Variants in RNF152 observed in about 807,000 individuals in gnomAD.
RNF152 encodes ring finger protein 152, also known as E3 ubiquitin-protein ligase RNF152.
RNF152 carries 11 observed loss-of-function variants against 12.7 expected under a neutral mutation model. The observed-to-expected ratio is 0.86, with a 90% CI of 0.54 to 1.43. The LOEUF is 1.43. Among genes scored for constraint, RNF152 ranks in the 40% most tolerant of loss-of-function variants. The pLI is 0.00. For missense variants in RNF152, 255 were observed against 274.8 expected, an observed-to-expected ratio of 0.93 and a Z score of 0.51; for synonymous variants, 113 against 120.3, an observed-to-expected ratio of 0.94 and a Z score of 0.40.
intron 1 of RNF152, among the ~76,000 whole-genome samples, chr18:61,885,688 C>T (rs1912657597): frequency 6.6e-6 from 1 of 152,162 alleles, no homozygotes; most frequent in Admixed American, 6.5e-5. Flanking sequence ...CATAATAACA[C>T]TCTCATAATG....
At chr18:61,870,088 C>T (rs1599314258) in intron 1 of RNF152, among the ~76,000 whole-genome samples, 1 of 152,212 alleles carries the variant, frequency 6.6e-6, no homozygotes, top group East Asian at 1.9e-4. Context: ...TTCCAAACCT[C>T]ACGCTCTCTT....
chr18:61,878,694 T>C (rs1302218778), intron 1 of RNF152, among the ~76,000 whole-genome samples: 1 of 152,166 alleles, frequency 6.6e-6, no homozygotes, highest in Non-Finnish European at 1.5e-5. Context: ...GAGGCCTCTG[T>C]TTCCAAGATG....
chr18:61,882,602 T>A (rs1912510321), intron 1 of RNF152, among the ~76,000 whole-genome samples: 1 of 152,222 alleles, frequency 6.6e-6, no homozygotes, highest in Non-Finnish European at 1.5e-5. Flanking sequence ...ATTTGAGGCA[T>A]CAGCTAAATA....
At position 61,815,946 on chromosome 18, in the gene RNF152, A is replaced by C; in HGVS notation, c.518T>G (p.Ile173Ser). The C allele has an allele frequency of 6.2e-7, 1 of 1,614,190 alleles. No individual in the cohort carries two copies. Among genetic ancestry groups the C allele is most frequent in the Non-Finnish European group, 8.5e-7 (1 of 1,180,024 alleles). ...GAAGACCAAGACGCAAGCCACCAAG[A>C]TGACAGTGCACACCCCCGACCAGGT... ...SSTWSGVCTV[I>S]LVACVLVFLL... The change falls in exon 2 of 2, where the codon ATC becomes AGC. Residue 173 changes from isoleucine to serine, a missense_variant. By Grantham distance (142) the Ile-to-Ser change is moderately radical. Transcript: ENST00000312828.
rs759764341 is a variant in RNF152 at position 61,847,266 on chromosome 18, T to C, written c.-135-30668A>G. ...TCTAACAGGGCAGCAAGCTTTAACA[T>C]ACAAGCAAATTGGGGCTTTGAGAAA... is the stretch of plus-strand genomic sequence containing the variant. On this transcript the variant is annotated intron_variant, in intron 1 of 1. Transcript: ENST00000312828. 3.3e-5 allele frequency among the ~76,000 whole-genome samples: 5 copies of C among 152,320 alleles called. No individual in the cohort carries two copies. The East Asian group carries it at 9.6e-4, about 29-fold the overall frequency.
intron 1 of RNF152, among the ~76,000 whole-genome samples, chr18:61,863,155 G>A (rs1911564966): frequency 6.6e-6 from 1 of 152,132 alleles, no homozygotes; most frequent in Admixed American, 6.5e-5. Flanking sequence ...TAGTCCCTTA[G>A]CCAGGCGCGG....
chr18:61,824,901 C>A (rs577343700), intron 1 of RNF152, among the ~76,000 whole-genome samples: 1 of 152,268 alleles, frequency 6.6e-6, no homozygotes. Flanking sequence ...CAGGAGATCC[C>A]CAGGCTCCCT....
At chr18:61,853,620 C>T (rs1911088050) in intron 1 of RNF152, among the ~76,000 whole-genome samples, 1 of 152,104 alleles carries the variant, frequency 6.6e-6, no homozygotes. Context: ...CTGCCAGTGG[C>T]TGCCTGCATT....
At chr18:61,865,666 A>G (rs1470963354) in intron 1 of RNF152, among the ~76,000 whole-genome samples, 1 of 152,172 alleles carries the variant, frequency 6.6e-6, no homozygotes, top group Non-Finnish European at 1.5e-5. Flanking sequence ...GTTGCCACAG[A>G]GAGTTTCACA....
intron 1 of RNF152, among the ~76,000 whole-genome samples, chr18:61,887,178 C>G (rs562934604): frequency 1.2e-4 from 18 of 152,268 alleles, no homozygotes; most frequent in African/African-American, 4.3e-4. Flanking sequence ...ACTTGAAAAG[C>G]AAAACTGAAG....
Position 61,811,596 on chromosome 18 carries a change from TACA to T in RNF152, c.*4253_*4255del, listed in dbSNP as rs1908803484. On this transcript the variant is annotated 3_prime_UTR_variant, in exon 2 of 2. Coordinates refer to ENST00000312828, the MANE Select transcript of RNF152 (RefSeq NM_173557.3). ...GATGCCCACATATGCCCACACCAAA[TACA>T]ACGACAAGCTGGCCAACTTCAAGGG... The T allele has an allele frequency of 6.6e-6, 1 of 152,202 alleles. No homozygotes were observed. Among genetic ancestry groups the T allele is most frequent in the African/African-American group, 2.4e-5 (1 of 41,464 alleles). The allele number at this position is 152,202 out of a possible 1,614,324, so 9.4% of individuals were successfully genotyped here.
rs1464617769 is a variant in RNF152, at chr18:61,815,240, T to C, written c.*612A>G. The C allele has an allele frequency of 6.6e-6, 1 of 152,644 alleles. No individual in the cohort carries two copies. The highest frequency in any genetic ancestry group is 1.5e-5 in the Non-Finnish European group (1 of 68,058). The allele number at this position is 152,644 out of a possible 1,614,324, so 9.5% of individuals were successfully genotyped here. A position where few individuals can be genotyped will look rare whatever the true frequency, so the allele number is the denominator to read the frequency against. ...TACAAGTGAAGAAAATGAAGGTTCATGACAAAACACAACACATTGGAGACA... is the reference window on the plus strand; with the variant it reads ...TACAAGTGAAGAAAATGAAGGTTCACGACAAAACACAACACATTGGAGACA... On this transcript the variant is annotated 3_prime_UTR_variant, in exon 2 of 2. Coordinates refer to ENST00000312828, the MANE Select transcript of RNF152 (RefSeq NM_173557.3).
chr18:61,826,589 G>A (rs1406670859), intron 1 of RNF152, among the ~76,000 whole-genome samples: 1 of 151,700 alleles, frequency 6.6e-6, no homozygotes, highest in African/African-American at 2.4e-5. Context: ...CATGTTTTTG[G>A]TTACTTTCAT....
rs751472922 is a variant in RNF152, at chr18:61,816,304, A to G, written c.160T>C (p.Cys54Arg). 1 of 1,614,044 alleles carries G rather than the reference A, an allele frequency of 6.2e-7. No homozygotes were observed. The highest frequency in any genetic ancestry group is 8.5e-7 in the Non-Finnish European group (1 of 1,180,024). Residue 54 changes from cysteine (C) to arginine (R), a missense_variant, in exon 2 of 2, where the codon TGC becomes CGC. By Grantham distance (180) the Cys-to-Arg change is radical. Coordinates refer to ENST00000312828, the MANE Select transcript of RNF152 (RefSeq NM_173557.3). Reference protein sequence around the residue: ...TSQKDVRCPWCRGVTKLPPGF... With the variant: ...TSQKDVRCPWRRGVTKLPPGF... ...GGAGGCAGCTTGGTGACACCGCGGC[A>G]CCAGGGGCACCGCACATCCTTCTGG...
intron 1 of RNF152, among the ~76,000 whole-genome samples, chr18:61,885,371 G>A (rs533820641): frequency 2.0e-5 from 3 of 152,080 alleles, no homozygotes; most frequent in African/African-American, 4.8e-5. Context: ...GCAGTGGTGC[G>A]ATCTCAACTC....
At chr18:61,892,758 G>A (rs1052683944) in intron 1 of RNF152, 37 bp downstream of exon 1, 1 of 152,240 alleles carries the variant, frequency 6.6e-6, no homozygotes, top group African/African-American at 2.4e-5. Flanking sequence ...AAATGACCCA[G>A]AGACACCCAG....
intron 1 of RNF152, among the ~76,000 whole-genome samples, chr18:61,868,102 C>G (rs1911820971): frequency 6.6e-6 from 1 of 152,162 alleles, no homozygotes; most frequent in Non-Finnish European, 1.5e-5. Context: ...CTGGGCTTTT[C>G]CTGGCTCCTC....
intron 1 of RNF152, among the ~76,000 whole-genome samples, chr18:61,865,443 T>C (rs1787203558): frequency 6.6e-6 from 1 of 152,238 alleles, no homozygotes; most frequent in Admixed American, 6.5e-5. Flanking sequence ...AAATTAAATA[T>C]AAAACTCTAA....
intron 1 of RNF152, among the ~76,000 whole-genome samples, chr18:61,852,173 A>G (rs889990026): frequency 1.3e-5 from 2 of 152,356 alleles, no homozygotes; most frequent in Middle Eastern, 3.4e-3. Context: ...AAACATTCCA[A>G]TATGATTATT....
Sources: allele counts gnomAD v4.1 joint callset (sites outside exome capture counted in the v4.1 genomes callset), GRCh38; gene constraint gnomAD v4.1.1; transcripts MANE v1.5; gene names NCBI Gene and HGNC (gene_info 2026-07-23, HGNC 2026-07-21).